SACM1L: variants seen among roughly 807,000 people sequenced by gnomAD.
SACM1L encodes the protein SAC1 like phosphatidylinositide phosphatase, also known as phosphatidylinositol-3-phosphatase SAC1.
A neutral mutation model predicts 89.5 loss-of-function variants in SACM1L; 32 were observed. The observed-to-expected ratio is 0.36, with a 90% CI of 0.27 to 0.48. The LOEUF (loss-of-function observed/expected upper bound fraction) is 0.48. SACM1L is among the 20% of genes least tolerant of loss of function. The probability of loss-of-function intolerance (pLI) is 0.99; values close to 1 mark genes in which losing one functional copy is unlikely to be tolerated. For missense variants in SACM1L, 543 were observed against 708.5 expected (o/e 0.77, Z 2.65); for synonymous variants, 213 against 232.8 (o/e 0.92, Z 0.77).
intron 19 of SACM1L, among the ~76,000 whole-genome samples, chr3:45,742,482 A>G (rs1382408960): frequency 1.3e-5 from 2 of 152,150 alleles, no homozygotes; most frequent in Non-Finnish European, 1.5e-5. Context: ...CATTCCCTGT[A>G]TGTATTTCTC....
rs376167697 is a variant in SACM1L at position 45,732,022 on chromosome 3, G to T, written c.1002-31G>T. ...ATAGAAGGAAAATGAATGATCTCTG[G>T]TCGGTTTCTGAATATCTTTTCTTTT... On this transcript the variant is annotated intron_variant, in intron 12 of 19. Transcript: ENST00000389061. 13 of 1,282,180 alleles carry T rather than the reference G, an allele frequency of 1.0e-5. 1 individual carries two copies. In the African/African-American group the frequency reaches 1.0e-4, roughly 10 times the overall value. The allele number at this position is 1,282,180 out of a possible 1,614,324, so 79.4% of individuals were successfully genotyped here. A position where few individuals can be genotyped will look rare whatever the true frequency, so the allele number is the denominator to read the frequency against.
Position 45,689,418 on chromosome 3 carries a change from CGCGGG to C in SACM1L, c.-37_-33del, listed in dbSNP as rs1330610545. 6.4e-7 allele frequency: 1 copy of C among 1,557,354 alleles called. No individual in the cohort carries two copies. The highest frequency in any genetic ancestry group is 8.7e-7 in the Non-Finnish European group (1 of 1,151,084). On this transcript the variant is annotated 5_prime_UTR_variant, in exon 1 of 20. Transcript: ENST00000389061. ...GGTAGAGTTGTAGCCGAGGTGGCGG[CGCGGG>C]GCGGGGCGGGCGGAGAGAGAAGGAA...
chr3:45,689,539 G>C, intron 1 of SACM1L, 42 bp downstream of exon 1: 3 of 1,548,658 alleles, frequency 1.9e-6, no homozygotes, highest in Non-Finnish European at 2.6e-6. Context: ...GGCGGGCGGG[G>C]CGGCAGGTGC....
intron 1 of SACM1L, among the ~76,000 whole-genome samples, chr3:45,700,864 G>A (rs1698249142): frequency 6.6e-6 from 1 of 152,096 alleles, no homozygotes; most frequent in Non-Finnish European, 1.5e-5. Flanking sequence ...TAGAGATGAG[G>A]TTTCACCATG....
At chr3:45,727,942 T>C (rs1203369540) in intron 11 of SACM1L, among the ~76,000 whole-genome samples, 2 of 152,236 alleles carry the variant, frequency 1.3e-5, no homozygotes, top group African/African-American at 4.8e-5. Context: ...GTTCTGTCAG[T>C]GTGCTTCATT....
intron 1 of SACM1L, among the ~76,000 whole-genome samples, chr3:45,701,187 A>G (rs1185501528): frequency 1.3e-5 from 2 of 152,128 alleles, no homozygotes; most frequent in African/African-American, 4.8e-5. Context: ...AATTTTGAAC[A>G]CAACAATGTA....
At chr3:45,720,520 C>A (rs1398919410) in intron 8 of SACM1L, among the ~76,000 whole-genome samples, 1 of 152,140 alleles carries the variant, frequency 6.6e-6, no homozygotes, top group Non-Finnish European at 1.5e-5. Flanking sequence ...ATGTGCCCTT[C>A]TCTTCCTCCT....
intron 8 of SACM1L, among the ~76,000 whole-genome samples, chr3:45,720,223 C>A (rs1369225792): frequency 6.6e-6 from 1 of 151,992 alleles, no homozygotes; most frequent in Non-Finnish European, 1.5e-5. Context: ...TCTCTCATAG[C>A]AGAGGAAGAA....
intron 7 of SACM1L, among the ~76,000 whole-genome samples, chr3:45,717,842 A>C (rs1036233326): frequency 6.6e-6 from 1 of 152,332 alleles, no homozygotes; most frequent in African/African-American, 2.4e-5. Flanking sequence ...CTTGGGCCCA[A>C]GAGTTTGAGG....
chr3:45,736,548 C>T (rs1184500519), intron 14 of SACM1L, among the ~76,000 whole-genome samples: 1 of 152,112 alleles, frequency 6.6e-6, no homozygotes, highest in Admixed American at 6.5e-5. Flanking sequence ...CTTAAAGTCA[C>T]ACCTGCCAGA....
Position 45,738,940 on chromosome 3 carries a change from G to T in SACM1L, c.1569+67G>T, listed in dbSNP as rs185762098. The stretch of plus-strand genomic sequence containing the variant: ...GTGTCTGAAGGTATAGATGGTTTCA[G>T]TCTCAATTTAAAACGTTATATGTGG... On this transcript the variant is annotated intron_variant, in intron 18 of 19. Coordinates refer to ENST00000389061, the MANE Select transcript of SACM1L (RefSeq NM_014016.5). 4.1e-5 allele frequency: 39 copies of T among 954,442 alleles called. No homozygotes were observed. The African/African-American group carries it at 6.1e-4, about 15-fold the overall frequency. 59.1% of individuals were successfully genotyped at this position (954,442 alleles called of 1,614,324 possible).
Position 45,720,992 on chromosome 3 carries a change from C to T in SACM1L, c.680-1008C>T, listed in dbSNP as rs980337080. Among the ~76,000 whole-genome samples, 30 of 152,200 alleles carry T rather than the reference C, an allele frequency of 2.0e-4. 1 individual carries two copies. Among genetic ancestry groups the T allele is most frequent in the Admixed American group, 2.0e-4 (3 of 15,274 alleles). On this transcript the variant is annotated intron_variant, in intron 8 of 19. Transcript: ENST00000389061. ...TTGAAAGTTGCCTTTGCTTAGCAAGCGTTTCTTTGTAAAAATAGATTACGT... is the reference window on the plus strand; with the variant it reads ...TTGAAAGTTGCCTTTGCTTAGCAAGTGTTTCTTTGTAAAAATAGATTACGT...
intron 1 of SACM1L, 38 bp downstream of exon 1, chr3:45,689,535 CG>C: frequency 6.4e-7 from 1 of 1,553,040 alleles, no homozygotes; most frequent in Non-Finnish European, 8.7e-7. Context: ...GCGCGGCGGG[CG>C]GGGCGGCAGG....
intron 11 of SACM1L, among the ~76,000 whole-genome samples, chr3:45,730,176 T>C (rs1053520705): frequency 6.6e-6 from 1 of 152,128 alleles, no homozygotes; most frequent in African/African-American, 2.4e-5. Flanking sequence ...CAATTTCTTA[T>C]GTTCCATTGA....
chr3:45,692,997 A>G (rs957329358), intron 1 of SACM1L, among the ~76,000 whole-genome samples: 1 of 152,246 alleles, frequency 6.6e-6, no homozygotes, highest in African/African-American at 2.4e-5. Flanking sequence ...ACATCAGAGT[A>G]TAATTACACA....
intron 16 of SACM1L, 41 bp from the exon 17 acceptor site, chr3:45,738,537 G>T: frequency 8.5e-7 from 1 of 1,178,238 alleles, no homozygotes; most frequent in Non-Finnish European, 1.3e-6. Flanking sequence ...TGAGAATTCA[G>T]TGTACAAACC....
At chr3:45,719,469 T>C in intron 7 of SACM1L, 31 bp from the exon 8 acceptor site, 2 of 1,221,414 alleles carry the variant, frequency 1.6e-6, no homozygotes, top group Non-Finnish European at 2.4e-6. Context: ...TGATTTCTAT[T>C]ATATGTTATA....
chr3:45,705,115 T>C lies in SACM1L; in HGVS notation c.131-20T>C. 6.4e-7 allele frequency: 1 copy of C among 1,553,198 alleles called. No homozygotes were observed. On this transcript the variant is annotated intron_variant, in intron 2 of 19. Transcript: ENST00000389061. Reference sequence around the variant, plus strand: ...TGAGCTTTTTGTATGTGATTTTTCTTTCTTTCCTTTCTTTTAAAGTCAAGA... The same window carrying C: ...TGAGCTTTTTGTATGTGATTTTTCTCTCTTTCCTTTCTTTTAAAGTCAAGA...
chr3:45,694,555 G>A (rs1226241989), intron 1 of SACM1L, among the ~76,000 whole-genome samples: 1 of 152,162 alleles, frequency 6.6e-6, no homozygotes, highest in African/African-American at 2.4e-5. Flanking sequence ...GGCTAGTTCA[G>A]GCTTACCTAG....
Sources: gnomAD v4.1 joint callset for allele counts (sites outside exome capture counted in the v4.1 genomes callset) on GRCh38, gnomAD v4.1.1 for gene constraint, MANE v1.5 for transcripts, NCBI Gene and HGNC (gene_info 2026-07-23, HGNC 2026-07-21) for gene names.